Variants in TEX101 observed in about 807,000 individuals in gnomAD.
TEX101 encodes the protein testis-expressed protein 101.
A neutral mutation model predicts 18.1 loss-of-function variants in TEX101; 10 were observed. The ratio of observed to expected loss-of-function variants is 0.55; its 90% CI spans 0.34 to 0.94. The LOEUF is 0.94. Among genes scored for constraint, TEX101 ranks in the 40% least tolerant of loss-of-function variants. The probability of loss-of-function intolerance (pLI) is 0.02; values close to 1 mark genes in which losing one functional copy is unlikely to be tolerated. For missense variants in TEX101, 259 were observed against 298.9 expected, an observed-to-expected ratio of 0.87 and a Z score of 0.98; for synonymous variants, 94 against 114.8, an observed-to-expected ratio of 0.82 and a Z score of 1.16.
At chr19:43,393,086 A>AGGAG in the TEX101 span, among the ~76,000 whole-genome samples, 1 of 150,298 alleles carries the variant, frequency 6.7e-6, no homozygotes, top group Non-Finnish European at 1.5e-5. Flanking sequence ...GAAGGAAGGA[A>AGGAG]GGAAGGAAGG....
At chr19:43,397,836 T>A (rs1321017449), upstream of TEX101, among the ~76,000 whole-genome samples, 34 of 112,480 alleles carry the variant, frequency 3.0e-4, no homozygotes, top group African/African-American at 1.0e-3. Context: ...AATATATATT[T>A]TATATAAATA....
Position 43,416,139 on chromosome 19 carries a change from T to C in TEX101, c.105T>C (p.Thr35=). The stretch of plus-strand genomic sequence containing the variant: ...ATTGTCAAAAGGGTCTGTCCATGAC[T>C]GTGGAAGCAGATCCAGCCAATATGT... ...ELYCQKGLSM[T]VEADPANMFN... is the part of the protein sequence containing the mutation. The change falls in exon 3 of 6, where the codon ACT becomes ACC. Residue 35 remains threonine (T), a synonymous_variant. Coordinates refer to ENST00000598265, the MANE Select transcript of TEX101 (RefSeq NM_001130011.3). 6.2e-7 allele frequency: 1 copy of C among 1,613,820 alleles called. No homozygotes were observed.
At chr19:43,398,926 A>G (rs1316953609), upstream of TEX101, among the ~76,000 whole-genome samples, 1 of 152,130 alleles carries the variant, frequency 6.6e-6, no homozygotes, top group Admixed American at 6.5e-5. Context: ...AACTCACCAA[A>G]TCCCTTTAGC....
At chr19:43,411,888 C>G (rs1440397638), upstream of TEX101, among the ~76,000 whole-genome samples, 1 of 152,126 alleles carries the variant, frequency 6.6e-6, no homozygotes, top group Non-Finnish European at 1.5e-5. Flanking sequence ...AACTCCTGAC[C>G]TCAGGTGAAC....
At chr19:43,404,121 A>G (rs1970341532) in intron 2 of TEX101, among the ~76,000 whole-genome samples, 1 of 145,738 alleles carries the variant, frequency 6.9e-6, no homozygotes, top group Non-Finnish European at 1.5e-5. Flanking sequence ...GATTTAAGAC[A>G]GGTATGTGTA....
chr19:43,403,775 TA>T (rs1276468341), intron 2 of TEX101, among the ~76,000 whole-genome samples: 1 of 151,968 alleles, frequency 6.6e-6, no homozygotes, highest in Non-Finnish European at 1.5e-5. Context: ...AAAACCAATA[TA>T]AAAATCTGGC....
chr19:43,392,133 T>A, the TEX101 span, among the ~76,000 whole-genome samples: 3 of 147,460 alleles, frequency 2.0e-5, no homozygotes, highest in East Asian at 2.0e-4. Flanking sequence ...AGAGACAGAG[T>A]CAGAGAAATA....
chr19:43,408,588 C>G (rs1440662753), intron 3 of TEX101, among the ~76,000 whole-genome samples: 1 of 152,136 alleles, frequency 6.6e-6, no homozygotes, highest in East Asian at 1.9e-4. Flanking sequence ...CCCTCTAGAA[C>G]CAGGGCCACA....
intron 1 of TEX101, among the ~76,000 whole-genome samples, chr19:43,402,049 C>G (rs1970322724): frequency 6.6e-6 from 1 of 152,226 alleles, no homozygotes; most frequent in Non-Finnish European, 1.5e-5. Context: ...TTTGGAAATG[C>G]AGTCTACATA....
At chr19:43,411,403 G>C (rs887001995), upstream of TEX101, among the ~76,000 whole-genome samples, 1 of 152,090 alleles carries the variant, frequency 6.6e-6, no homozygotes, top group Admixed American at 6.5e-5. Context: ...CAGGAGTAAT[G>C]TGGTGTGGCT....
At chr19:43,388,851 G>A in the TEX101 span, among the ~76,000 whole-genome samples, 1 of 152,144 alleles carries the variant, frequency 6.6e-6, no homozygotes, top group South Asian at 2.1e-4. Flanking sequence ...TTTCTGGGCT[G>A]AGCAGAAATT....
intron 4 of TEX101, 48 bp from the exon 5 acceptor site, chr19:43,417,830 C>A (rs774528006): frequency 1.9e-6 from 3 of 1,610,084 alleles, no homozygotes; most frequent in East Asian, 2.2e-5. Flanking sequence ...GGAGCAACAT[C>A]TCTGGAGGCA....
chr19:43,411,473 C>T (rs560255514), upstream of TEX101, among the ~76,000 whole-genome samples: 1 of 152,148 alleles, frequency 6.6e-6, no homozygotes, highest in Non-Finnish European at 1.5e-5. Context: ...AAGGGCAGGG[C>T]GTACTGCAAT....
At chr19:43,412,628 A>T (rs1302624068), upstream of TEX101, among the ~76,000 whole-genome samples, 1 of 152,106 alleles carries the variant, frequency 6.6e-6, no homozygotes, top group East Asian at 1.9e-4. Context: ...TGCTTTCCCA[A>T]GCACGAGCCC....
chr19:43,400,675 AG>A (rs1970311141), upstream of TEX101, among the ~76,000 whole-genome samples: 2 of 152,218 alleles, frequency 1.3e-5, no homozygotes, highest in Admixed American at 1.3e-4. Flanking sequence ...CTTTCCACCC[AG>A]ATTCATTTCC....
chr19:43,415,182 A>T, intron 1 of TEX101, 144 bp downstream of exon 1: 1 of 423,300 alleles, frequency 2.4e-6, no homozygotes. Flanking sequence ...CGATCCCTAC[A>T]TAGGACGGGG....
the TEX101 span, among the ~76,000 whole-genome samples, chr19:43,390,293 C>T: frequency 2.6e-5 from 4 of 152,200 alleles, no homozygotes; most frequent in Non-Finnish European, 5.9e-5. Context: ...CCTAGCCCCA[C>T]GCCAGACCCA....
the TEX101 span, among the ~76,000 whole-genome samples, chr19:43,390,745 G>A: frequency 1.1e-4 from 16 of 151,958 alleles, 1 homozygote; most frequent in Middle Eastern, 6.8e-3. Flanking sequence ...GGGATTAGAC[G>A]TAAGCCACCT....
At chr19:43,390,976 C>T in the TEX101 span, among the ~76,000 whole-genome samples, 14 of 152,316 alleles carry the variant, frequency 9.2e-5, no homozygotes, top group South Asian at 1.2e-3. Flanking sequence ...CGTTAGGCAC[C>T]TCTGTTAAGT....
Sources: allele counts gnomAD v4.1 joint callset (sites outside exome capture counted in the v4.1 genomes callset), GRCh38; gene constraint gnomAD v4.1.1; transcripts MANE v1.5; gene names NCBI Gene and HGNC (gene_info 2026-07-23, HGNC 2026-07-21).